IL18R1: variants seen among roughly 807,000 people sequenced by gnomAD.
IL18R1 encodes the protein interleukin 18 receptor 1, also known as interleukin-18 receptor 1.
A neutral mutation model predicts 48.5 loss-of-function variants in IL18R1; 40 were observed. The observed-to-expected ratio is 0.82, with a 90% CI of 0.64 to 1.07. The LOEUF (loss-of-function observed/expected upper bound fraction) is 1.07, where lower values mean the gene tolerates loss of function less well. IL18R1 is among the 50% of genes least tolerant of loss of function. IL18R1 has a pLI of 0.00. For missense variants in IL18R1, 596 were observed against 633.7 expected (o/e 0.94, Z 0.64); for synonymous variants, 232 against 225.9 (o/e 1.03, Z -0.24).
chr2:102,379,092 C>A (rs1559626531), intron 5 of IL18R1, among the ~76,000 whole-genome samples: 1 of 152,132 alleles, frequency 6.6e-6, no homozygotes, highest in African/African-American at 2.4e-5. Context: ...GTTCCCATAA[C>A]AAAAGACAGA....
chr2:102,382,139 G>A (rs1679957382), intron 6 of IL18R1, among the ~76,000 whole-genome samples: 1 of 152,078 alleles, frequency 6.6e-6, no homozygotes, highest in African/African-American at 2.4e-5. Context: ...CAGGCATGGT[G>A]GCATGCACCT....
At chr2:102,373,395 G>A (rs1473992611) in intron 4 of IL18R1, among the ~76,000 whole-genome samples, 2 of 152,026 alleles carry the variant, frequency 1.3e-5, no homozygotes, top group Non-Finnish European at 2.9e-5. Context: ...TCACTCATAA[G>A]TGGGAGGTGA....
chr2:102,390,215 C>T lies in IL18R1; in HGVS notation c.1109C>T (p.Thr370Ile). 1 of 1,612,970 alleles carries T rather than the reference C, an allele frequency of 6.2e-7. No homozygotes were observed. The highest frequency in any genetic ancestry group is 1.7e-5 in the Admixed American group (1 of 60,004). Residue 370 changes from threonine to isoleucine, a missense_variant and splice_region_variant, in exon 9 of 11, where the codon ACA (threonine) becomes ATA (isoleucine). Transcript: ENST00000233957. ...TTAACGAGAAGAGATGAAACATTAACAGGTAACACATATAATGCTGGAATT... is the reference window on the plus strand; with the variant it reads ...TTAACGAGAAGAGATGAAACATTAATAGGTAACACATATAATGCTGGAATT... ...RHLTRRDETL[T>I]DGKTYDAFVS...
At chr2:102,394,761 G>A (rs1482269468) in intron 10 of IL18R1, 134 bp downstream of exon 10, 18 of 608,100 alleles carry the variant, frequency 3.0e-5, no homozygotes, top group Non-Finnish European at 4.3e-5. Flanking sequence ...AAATAACCAC[G>A]TAAGTCAACA....
Position 102,390,041 on chromosome 2 carries a change from C to T in IL18R1, c.950-15C>T, listed in dbSNP as rs1218389214. ...TCTTGATTATTTTCTTTTCCTTTTT[C>T]CCTTTCTTTTCTAGCAGACATGGCT... On this transcript the variant is annotated splice_polypyrimidine_tract_variant and intron_variant, in intron 8 of 10. Transcript: ENST00000233957. The T allele has an allele frequency of 1.2e-6, 2 of 1,611,916 alleles. No individual in the cohort carries two copies. Among genetic ancestry groups the T allele is most frequent in the Admixed American group, 1.7e-5 (1 of 59,668 alleles).
At chr2:102,389,717 C>T (rs114806610) in intron 8 of IL18R1, among the ~76,000 whole-genome samples, 277 of 152,340 alleles carry the variant, frequency 1.8e-3, no homozygotes, top group African/African-American at 6.2e-3. Context: ...AACCCACTTG[C>T]TAATATTTCT....
Position 102,372,048 on chromosome 2 carries a change from A to T in IL18R1, c.398A>T (p.Lys133Ile). 1 of 1,609,336 alleles carries T rather than the reference A, an allele frequency of 6.2e-7. No individual in the cohort carries two copies. Among genetic ancestry groups the T allele is most frequent in the South Asian group, 1.1e-5 (1 of 89,822 alleles). The change falls in exon 4 of 11, where the codon AAA (lysine) becomes ATA (isoleucine). Residue 133 changes from lysine to isoleucine, a missense_variant. By Grantham distance (102) the Lys-to-Ile change is moderately radical (BLOSUM62 -3). Transcript: ENST00000233957. ...RQVTSKIVEV[K>I]KFFQITCENS... The stretch of plus-strand genomic sequence containing the variant: ...GTAACTAGTAAAATTGTGGAAGTTA[A>T]AAAATTTTTTCAGATAACCTGTGAA...
At chr2:102,375,039 C>T (rs761820668) in intron 4 of IL18R1, among the ~76,000 whole-genome samples, 26 of 152,296 alleles carry the variant, frequency 1.7e-4, no homozygotes, top group Admixed American at 2.6e-4. Context: ...AATTTACTGA[C>T]GTGAGGTACA....
intron 5 of IL18R1, among the ~76,000 whole-genome samples, chr2:102,380,497 G>T (rs1368535784): frequency 1.3e-5 from 2 of 152,122 alleles, no homozygotes; most frequent in Admixed American, 6.5e-5. Context: ...TTCTTTCCCT[G>T]GATACATCTC....
chr2:102,383,147 G>C (rs1242189449), intron 6 of IL18R1, among the ~76,000 whole-genome samples: 1 of 152,138 alleles, frequency 6.6e-6, no homozygotes, highest in Non-Finnish European at 1.5e-5. Flanking sequence ...TATAGTCCAA[G>C]ATTATACACA....
intron 4 of IL18R1, chr2:102,374,119 T>C: frequency 4.6e-6 from 1 of 216,060 alleles, no homozygotes; most frequent in South Asian, 5.7e-5. Flanking sequence ...CTGCCCACCC[T>C]GGTCCATGGA....
chr2:102,373,606 T>C (rs1679396184), intron 4 of IL18R1, among the ~76,000 whole-genome samples: 1 of 141,386 alleles, frequency 7.1e-6, no homozygotes. Context: ...GAACTTAAAG[T>C]ATAATAAAAA....
At chr2:102,376,897 CT>C (rs574895871) in intron 5 of IL18R1, among the ~76,000 whole-genome samples, 2 of 152,118 alleles carry the variant, frequency 1.3e-5, no homozygotes, top group East Asian at 1.9e-4. Context: ...TTGTTGAAGT[CT>C]TTTTTTTCCA....
intron 5 of IL18R1, among the ~76,000 whole-genome samples, chr2:102,377,973 A>G (rs903991319): frequency 6.6e-6 from 1 of 152,162 alleles, no homozygotes; most frequent in African/African-American, 2.4e-5. Flanking sequence ...TGAATTTTAA[A>G]CTCAAAAACT....
chr2:102,375,622 AG>A (rs1212305017), intron 4 of IL18R1, among the ~76,000 whole-genome samples: 1 of 152,160 alleles, frequency 6.6e-6, no homozygotes, highest in African/African-American at 2.4e-5. Context: ...TGTGTGTAAA[AG>A]AGAGAGATGA....
At chr2:102,385,024 T>C (rs769531549) in intron 7 of IL18R1, 26 bp downstream of exon 7, 57 of 1,246,442 alleles carry the variant, frequency 4.6e-5, no homozygotes, top group Non-Finnish European at 2.3e-6. Flanking sequence ...ATATATGTCA[T>C]GATATATACC....
chr2:102,357,735 GC>G (rs1354425557), intron 1 of IL18R1, among the ~76,000 whole-genome samples: 1 of 152,138 alleles, frequency 6.6e-6, no homozygotes, highest in African/African-American at 2.4e-5. Context: ...GGCCCAGGTA[GC>G]ACAGGCATAG....
At chr2:102,362,463 A>G (rs1678632157) in intron 1 of IL18R1, among the ~76,000 whole-genome samples, 170 bp from the exon 2 acceptor site, 1 of 152,210 alleles carries the variant, frequency 6.6e-6, no homozygotes, top group East Asian at 1.9e-4. Flanking sequence ...AAATTTTATT[A>G]ATTTTATATG....
chr2:102,396,189 C>A (rs1680814979), intron 10 of IL18R1, among the ~76,000 whole-genome samples: 1 of 152,042 alleles, frequency 6.6e-6, no homozygotes, highest in African/African-American at 2.4e-5. Context: ...TGACTCTGGG[C>A]AGGTTACTTA....
Sources: allele counts gnomAD v4.1 joint callset (sites outside exome capture counted in the v4.1 genomes callset), GRCh38; gene constraint gnomAD v4.1.1; transcripts MANE v1.5; gene names NCBI Gene and HGNC (gene_info 2026-07-23, HGNC 2026-07-21).